MGAT4A: variants seen among roughly 807,000 people sequenced by gnomAD.
MGAT4A encodes N-acetylglucosaminyltransferase IVa.
MGAT4A carries 33 observed loss-of-function variants against 74.1 expected under a neutral mutation model. That is an observed-to-expected ratio of 0.45 (90% confidence interval 0.34 to 0.60). The LOEUF is 0.60. MGAT4A is among the 20% of genes least tolerant of loss of function. The pLI, the probability that MGAT4A is intolerant of heterozygous loss-of-function variation, is 0.02. For missense variants in MGAT4A, 479 were observed against 628.3 expected (o/e 0.76, Z 2.54); for synonymous variants, 198 against 210.4 (o/e 0.94, Z 0.51).
intron 2 of MGAT4A, among the ~76,000 whole-genome samples, chr2:98,705,097 G>A (rs1047302985): frequency 6.6e-6 from 1 of 152,156 alleles, no homozygotes; most frequent in Non-Finnish European, 1.5e-5. Flanking sequence ...CCTGAGAAGA[G>A]GGTTTATTGA....
At chr2:98,722,236 G>A (rs980631724) in intron 2 of MGAT4A, among the ~76,000 whole-genome samples, 1 of 152,170 alleles carries the variant, frequency 6.6e-6, no homozygotes, top group African/African-American at 2.4e-5. Flanking sequence ...TAGCCAAAAC[G>A]TAGAAACAAC....
chr2:98,627,815 G>A (rs565610002), intron 14 of MGAT4A, among the ~76,000 whole-genome samples: 6 of 152,322 alleles, frequency 3.9e-5, no homozygotes, highest in South Asian at 2.1e-4. Flanking sequence ...GTGTGGCAGG[G>A]CAAGTCAGGA....
At chr2:98,708,927 A>C (rs1166783606) in intron 2 of MGAT4A, among the ~76,000 whole-genome samples, 1 of 152,224 alleles carries the variant, frequency 6.6e-6, no homozygotes, top group Admixed American at 6.5e-5. Context: ...AGCATCCCAG[A>C]AGCTCATCTG....
chr2:98,681,761 T>G (rs1455725410), intron 2 of MGAT4A, among the ~76,000 whole-genome samples: 1 of 152,090 alleles, frequency 6.6e-6, no homozygotes, highest in Non-Finnish European at 1.5e-5. Context: ...GAGACCACCC[T>G]GGGCAACATG....
In MGAT4A at chr2:98,623,047, AGAG is replaced by A; in HGVS notation, c.*2516_*2518del. Reference sequence around the variant, plus strand: ...ATAATACAAAATGATAAAAAGAGAAAGAGGAGGGCAGGCTGGAATAATTGGTCT... The same window carrying A: ...ATAATACAAAATGATAAAAAGAGAAAGAGGGCAGGCTGGAATAATTGGTCT... On this transcript the variant is annotated 3_prime_UTR_variant, in exon 16 of 16. Transcript: ENST00000393487. The A allele has an allele frequency of 1.0e-6, 1 of 985,640 alleles. No individual in the cohort carries two copies. The highest frequency in any genetic ancestry group is 1.2e-6 in the Non-Finnish European group (1 of 830,172). The allele number at this position is 985,640 out of a possible 1,614,324, so 61.1% of individuals were successfully genotyped here.
At chr2:98,636,489 GA>G in intron 13 of MGAT4A, 27 bp downstream of exon 13, 2 of 1,539,392 alleles carry the variant, frequency 1.3e-6, no homozygotes, top group African/African-American at 1.4e-5. Flanking sequence ...AGTTGTTAGG[GA>G]AAGGTAAGAG....
chr2:98,701,962 G>C (rs1702361117), intron 2 of MGAT4A, among the ~76,000 whole-genome samples: 1 of 152,170 alleles, frequency 6.6e-6, no homozygotes, highest in Admixed American at 6.5e-5. Context: ...CTTCCCAGGG[G>C]ATGTCTAACT....
rs1183137555 is a variant in MGAT4A at position 98,624,725 on chromosome 2, T to C, written c.*841A>G. On this transcript the variant is annotated 3_prime_UTR_variant, in exon 16 of 16. Coordinates refer to ENST00000393487, the MANE Select transcript of MGAT4A (RefSeq NM_012214.3). ...ACATATCAGAGGAAATATAATAAGTTAAGTCTACAATAATCTGGGTTGAAT... is the reference window on the plus strand; with the variant it reads ...ACATATCAGAGGAAATATAATAAGTCAAGTCTACAATAATCTGGGTTGAAT... 1.6e-5 allele frequency: 16 copies of C among 983,262 alleles called. No homozygotes were observed. Among genetic ancestry groups the C allele is most frequent in the Non-Finnish European group, 1.8e-5 (15 of 827,876 alleles). 60.9% of individuals were successfully genotyped at this position (983,262 alleles called of 1,614,324 possible).
chr2:98,663,034 T>A lies in MGAT4A; in HGVS notation c.537+12A>T. The A allele has an allele frequency of 6.8e-7, 1 of 1,472,760 alleles. No individual in the cohort carries two copies. 91.2% of individuals were successfully genotyped at this position (1,472,760 alleles called of 1,614,324 possible). A position where few individuals can be genotyped will look rare whatever the true frequency, so the allele number is the denominator to read the frequency against. On this transcript the variant is annotated intron_variant, in intron 5 of 15. Transcript: ENST00000393487. ...ATATTTGGTAAAAACATAACAACAA[T>A]TAAATAATTACCTCTCCTATGAAGA...
At chr2:98,703,205 G>C (rs1702376090) in intron 2 of MGAT4A, among the ~76,000 whole-genome samples, 1 of 152,144 alleles carries the variant, frequency 6.6e-6, no homozygotes, top group Admixed American at 6.5e-5. Flanking sequence ...CGAAGAGACA[G>C]GAAATATAAA....
intron 14 of MGAT4A, among the ~76,000 whole-genome samples, chr2:98,633,330 C>T (rs909747127): frequency 9.2e-5 from 14 of 152,188 alleles, no homozygotes; most frequent in African/African-American, 3.4e-4. Context: ...CTGCACAGGG[C>T]AGAGCTTCTG....
chr2:98,650,914 C>T (rs1260359442), intron 8 of MGAT4A, among the ~76,000 whole-genome samples: 1 of 151,998 alleles, frequency 6.6e-6, no homozygotes, highest in Non-Finnish European at 1.5e-5. Context: ...CGCCACTGCA[C>T]TTCAGCCTGG....
At chr2:98,718,578 A>G (rs909846766) in intron 2 of MGAT4A, among the ~76,000 whole-genome samples, 4 of 152,176 alleles carry the variant, frequency 2.6e-5, no homozygotes, top group African/African-American at 7.2e-5. Flanking sequence ...TCCAGACTAC[A>G]GCAGCCAAGA....
chr2:98,683,959 G>A (rs187145502), intron 2 of MGAT4A, among the ~76,000 whole-genome samples: 5 of 152,186 alleles, frequency 3.3e-5, no homozygotes, highest in East Asian at 3.9e-4. Context: ...GGCCATTTTC[G>A]ATCTCTCTCA....
Position 98,645,193 on chromosome 2 carries a change from G to A in MGAT4A, c.889+235C>T, listed in dbSNP as rs554366213. 1.8e-4 allele frequency among the ~76,000 whole-genome samples: 27 copies of A among 152,270 alleles called. No individual in the cohort carries two copies. In the South Asian group the frequency reaches 4.4e-3, roughly 25 times the overall value. On this transcript the variant is annotated intron_variant, in intron 9 of 15. Transcript: ENST00000393487. ...AATCAAACATGCTCACCAGCACCACGGTTGGCATTGTGAAGAACGCTACAG... is the reference window on the plus strand; with the variant it reads ...AATCAAACATGCTCACCAGCACCACAGTTGGCATTGTGAAGAACGCTACAG...
rs1235341657 is a variant in MGAT4A, at chr2:98,656,089, C to T, written c.698+263G>A. 17 of 376,752 alleles carry T rather than the reference C, an allele frequency of 4.5e-5. No individual in the cohort carries two copies. The Admixed American group carries it at 7.3e-4, about 16-fold the overall frequency. The allele number at this position is 376,752 out of a possible 1,614,324, so 23.3% of individuals were successfully genotyped here. ...AGTATTAAACCCTGTCAGTGAATTC[C>T]TGGTAGCCTACAGAAACACATAAGA... is the stretch of plus-strand genomic sequence containing the variant. On this transcript the variant is annotated intron_variant, in intron 7 of 15. Transcript: ENST00000393487.
Position 98,624,914 on chromosome 2 carries a change from T to C in MGAT4A, c.*652A>G, listed in dbSNP as rs1295004972. 4 of 984,286 alleles carry C rather than the reference T, an allele frequency of 4.1e-6. No individual in the cohort carries two copies. In the South Asian group the frequency reaches 1.4e-4, roughly 35 times the overall value. The allele number at this position is 984,286 out of a possible 1,614,324, so 61.0% of individuals were successfully genotyped here. A position where few individuals can be genotyped will look rare whatever the true frequency, so the allele number is the denominator to read the frequency against. On this transcript the variant is annotated 3_prime_UTR_variant, in exon 16 of 16. Transcript: ENST00000393487. Reference sequence around the variant, plus strand: ...ATATTTTGTTCAGTCACTGTGATTATAAAAGTACTTCAATTAAGAAATCCA... The same window carrying C: ...ATATTTTGTTCAGTCACTGTGATTACAAAAGTACTTCAATTAAGAAATCCA...
intron 5 of MGAT4A, among the ~76,000 whole-genome samples, chr2:98,660,769 A>C (rs1575256273): frequency 6.6e-6 from 1 of 152,224 alleles, no homozygotes; most frequent in East Asian, 1.9e-4. Flanking sequence ...GAAATATACA[A>C]ATAAACTCAA....
rs149558877 is a variant in MGAT4A at position 98,675,871 on chromosome 2, A to T, written c.263-696T>A. On this transcript the variant is annotated intron_variant, in intron 3 of 15. Coordinates refer to ENST00000393487, the MANE Select transcript of MGAT4A (RefSeq NM_012214.3). ...GCTCAACCATTCACTTTCTTTATGC[A>T]TTACATGTTATCAAAATTTCACATG... 3.5e-3 allele frequency among the ~76,000 whole-genome samples: 536 copies of T among 152,304 alleles called. 4 individuals carry two copies. In the Middle Eastern group the frequency reaches 0.041, roughly 12 times the overall value.
Sources: allele counts gnomAD v4.1 joint callset (sites outside exome capture counted in the v4.1 genomes callset), GRCh38; gene constraint gnomAD v4.1.1; transcripts MANE v1.5; gene names NCBI Gene and HGNC (gene_info 2026-07-23, HGNC 2026-07-21).